Variants in PPARGC1A observed in about 807,000 individuals in gnomAD.
PPARGC1A encodes peroxisome proliferator-activated receptor gamma coactivator 1-alpha.
PPARGC1A carries 25 observed loss-of-function variants against 88.7 expected under a neutral mutation model. The observed-to-expected ratio is 0.28, with a 90% CI of 0.21 to 0.39. The LOEUF is 0.39. Ranked by LOEUF, PPARGC1A falls within the 10% of genes least tolerant of loss-of-function variation. PPARGC1A has a pLI of 1.00. For synonymous variants in PPARGC1A, 363 were observed against 355.6 expected (o/e 1.02, Z -0.24); for missense variants, 880 against 968.7 (o/e 0.91, Z 1.22).
the PPARGC1A span, among the ~76,000 whole-genome samples, chr4:24,192,982 G>A: frequency 6.6e-6 from 1 of 152,140 alleles, no homozygotes; most frequent in Non-Finnish European, 1.5e-5. Flanking sequence ...TAGAAATGCT[G>A]TTTTTTTCAG....
In PPARGC1A at chr4:23,856,175, G is replaced by A. The variant is rs566998436; in HGVS notation, c.235-24424C>T. Among the ~76,000 whole-genome samples the A allele has an allele frequency of 3.3e-5, 5 of 152,236 alleles. No homozygotes were observed. In the South Asian group the frequency reaches 1.0e-3, roughly 32 times the overall value. On this transcript the variant is annotated intron_variant, in intron 2 of 12. Transcript: ENST00000264867. ...CCCACAGTATATACTTGAGCTTCCT[G>A]ACTTTCCAGAATGTGCCAACACAAC...
the PPARGC1A span, among the ~76,000 whole-genome samples, chr4:24,235,384 C>T: frequency 6.6e-6 from 1 of 152,118 alleles, no homozygotes. Context: ...AATCCATTCT[C>T]AGTTTAGAAA....
chr4:24,459,117 T>C, the PPARGC1A span, among the ~76,000 whole-genome samples: 1 of 152,100 alleles, frequency 6.6e-6, no homozygotes, highest in Non-Finnish European at 1.5e-5. Context: ...CTTGCAAAAA[T>C]AATGCTCTAA....
the PPARGC1A span, among the ~76,000 whole-genome samples, chr4:23,933,401 G>A: frequency 6.6e-6 from 1 of 152,176 alleles, no homozygotes; most frequent in African/African-American, 2.4e-5. Flanking sequence ...TTTGCTTCCA[G>A]GAGTAAGTGT....
At chr4:24,461,941 C>G in the PPARGC1A span, among the ~76,000 whole-genome samples, 1 of 147,064 alleles carries the variant, frequency 6.8e-6, no homozygotes, top group South Asian at 2.1e-4. Flanking sequence ...CACAGCACCG[C>G]TATCTCCTCC....
chr4:24,043,910 G>C, the PPARGC1A span, among the ~76,000 whole-genome samples: 1 of 152,126 alleles, frequency 6.6e-6, no homozygotes, highest in African/African-American at 2.4e-5. Context: ...AACTTGGAAA[G>C]ACATGGAGGA....
the PPARGC1A span, among the ~76,000 whole-genome samples, chr4:24,352,541 C>T: frequency 2.0e-5 from 3 of 152,182 alleles, no homozygotes; most frequent in African/African-American, 4.8e-5. Flanking sequence ...CAACTGGCCA[C>T]GGGGACTTTA....
the PPARGC1A span, among the ~76,000 whole-genome samples, chr4:23,987,533 A>G: frequency 6.6e-6 from 1 of 151,780 alleles, no homozygotes; most frequent in Non-Finnish European, 1.5e-5. Context: ...TTCTGTCTCT[A>G]TTGCCTTAGG....
intron 2 of PPARGC1A, among the ~76,000 whole-genome samples, chr4:23,873,979 T>C (rs1190239117): frequency 6.6e-6 from 1 of 152,090 alleles, no homozygotes; most frequent in Non-Finnish European, 1.5e-5. Context: ...AAGGAACCCA[T>C]CAACAGTAAT....
At chr4:24,375,539 T>C in the PPARGC1A span, among the ~76,000 whole-genome samples, 1 of 152,280 alleles carries the variant, frequency 6.6e-6, no homozygotes, top group Non-Finnish European at 1.5e-5. Flanking sequence ...CATTTGTGCA[T>C]CAATTCATTC....
chr4:23,920,898 A>G, the PPARGC1A span, among the ~76,000 whole-genome samples: 6 of 152,184 alleles, frequency 3.9e-5, no homozygotes, highest in African/African-American at 1.4e-4. Flanking sequence ...AGCCTGTTCC[A>G]GCCAGAACTC....
At chr4:24,289,242 A>AGG in the PPARGC1A span, among the ~76,000 whole-genome samples, 1 of 95,802 alleles carries the variant, frequency 1.0e-5, no homozygotes, top group Non-Finnish European at 1.9e-5. Flanking sequence ...AAAAAAAAAA[A>AGG]AGAGAGAGAG....
At chr4:24,260,399 T>C in the PPARGC1A span, among the ~76,000 whole-genome samples, 1 of 152,224 alleles carries the variant, frequency 6.6e-6, no homozygotes, top group East Asian at 1.9e-4. Flanking sequence ...CTTGGGTCTC[T>C]AAACAGATTT....
At chr4:23,939,917 A>G in the PPARGC1A span, among the ~76,000 whole-genome samples, 1 of 152,194 alleles carries the variant, frequency 6.6e-6, no homozygotes, top group Non-Finnish European at 1.5e-5. Context: ...ACCACAAGGA[A>G]AAAAGGTCAC....
At chr4:24,345,514 A>T in the PPARGC1A span, among the ~76,000 whole-genome samples, 2 of 151,816 alleles carry the variant, frequency 1.3e-5, no homozygotes, top group South Asian at 2.1e-4. Context: ...TTTTTAGTTT[A>T]GTTTAGTTTT....
chr4:24,012,239 G>GA, the PPARGC1A span, among the ~76,000 whole-genome samples: 485 of 152,218 alleles, frequency 3.2e-3, 5 homozygotes, highest in African/African-American at 0.011. Flanking sequence ...CTGTTTGGGA[G>GA]AAAAAATATG....
chr4:24,154,807 C>T, the PPARGC1A span, among the ~76,000 whole-genome samples: 1 of 152,148 alleles, frequency 6.6e-6, no homozygotes, highest in African/African-American at 2.4e-5. Context: ...GATGTAAAAA[C>T]CAGCATTATA....
the PPARGC1A span, among the ~76,000 whole-genome samples, chr4:24,370,049 CT>C: frequency 9.2e-5 from 14 of 152,216 alleles, no homozygotes; most frequent in Non-Finnish European, 1.8e-4. Flanking sequence ...AGACTTAAGA[CT>C]CTTTTAACAA....
chr4:23,877,351 C>A lies in PPARGC1A; in HGVS notation c.234+7401G>T, dbSNP rs1291428870. On this transcript the variant is annotated intron_variant, in intron 2 of 12. Coordinates refer to ENST00000264867, the MANE Select transcript of PPARGC1A (RefSeq NM_013261.5). ...CTAACACGGGGAAACCCCGTCTCTA[C>A]TAAAAATACAAAAAAAAAAAAAAAA... Among the ~76,000 whole-genome samples, 106 of 76,428 alleles carry A rather than the reference C, an allele frequency of 1.4e-3. 1 individual carries two copies. The highest frequency in any genetic ancestry group is 5.6e-3 in the African/African-American group (103 of 18,324). 50.1% of individuals were successfully genotyped at this position (76,428 alleles called of 152,430 possible). A position where few individuals can be genotyped will look rare whatever the true frequency, so the allele number is the denominator to read the frequency against.
Sources: gnomAD v4.1 joint callset for allele counts (sites outside exome capture counted in the v4.1 genomes callset) on GRCh38, gnomAD v4.1.1 for gene constraint, MANE v1.5 for transcripts, NCBI Gene and HGNC (gene_info 2026-07-23, HGNC 2026-07-21) for gene names.